Variants in SORCS1 observed in about 807,000 individuals in gnomAD.
SORCS1 encodes VPS10 domain-containing receptor SorCS1.
A neutral mutation model predicts 146.1 loss-of-function variants in SORCS1; 60 were observed. The observed-to-expected ratio is 0.41, with a 90% CI of 0.33 to 0.51. The LOEUF is 0.51. Ranked by LOEUF, SORCS1 falls within the 20% of genes least tolerant of loss-of-function variation. The pLI is 0.21. For missense variants in SORCS1, 1,352 were observed against 1,487.6 expected, an observed-to-expected ratio of 0.91 and a Z score of 1.50; for synonymous variants, 637 against 584.0, an observed-to-expected ratio of 1.09 and a Z score of -1.31.
At chr10:106,633,033 G>A (rs1259786818) in intron 18 of SORCS1, among the ~76,000 whole-genome samples, 1 of 152,110 alleles carries the variant, frequency 6.6e-6, no homozygotes, top group African/African-American at 2.4e-5. Flanking sequence ...GGAGGAAAAA[G>A]AGAGAGAGAA....
At chr10:107,032,705 T>C (rs553365122) in intron 1 of SORCS1, among the ~76,000 whole-genome samples, 2 of 152,308 alleles carry the variant, frequency 1.3e-5, no homozygotes, top group Admixed American at 6.5e-5. Context: ...CAGCATCTAA[T>C]GCCGCAGGGA....
At chr10:107,136,096 G>A (rs1967273873) in intron 1 of SORCS1, among the ~76,000 whole-genome samples, 1 of 151,750 alleles carries the variant, frequency 6.6e-6, no homozygotes, top group African/African-American at 2.4e-5. Flanking sequence ...CCCTTGTTTA[G>A]TAGTAAAGAG....
At chr10:106,804,756 T>C (rs1350400143) in intron 3 of SORCS1, among the ~76,000 whole-genome samples, 2 of 152,312 alleles carry the variant, frequency 1.3e-5, no homozygotes, top group South Asian at 2.1e-4. Context: ...TATATGGACC[T>C]CTTCATGAAC....
At chr10:107,076,528 TTTAA>T (rs1446650126) in intron 1 of SORCS1, among the ~76,000 whole-genome samples, 2 of 152,150 alleles carry the variant, frequency 1.3e-5, no homozygotes, top group Non-Finnish European at 2.9e-5. Context: ...TTAAACAAAT[TTTAA>T]TTAATTCATC....
chr10:106,600,795 C>T, intron 23 of SORCS1: 1 of 780,108 alleles, frequency 1.3e-6, no homozygotes. Context: ...TGTTTGACTC[C>T]TAATCCTAGG....
rs1287144041 is a variant in SORCS1 at position 106,886,889 on chromosome 10, T to G, written c.627-57216A>C. Among the ~76,000 whole-genome samples the G allele has an allele frequency of 5.9e-5, 9 of 152,350 alleles. No individual in the cohort carries two copies. In the East Asian group the frequency reaches 1.7e-3, roughly 29 times the overall value. ...AGTTGTCTTCAGCAACCAGCAGTTA[T>G]TTATTAAGCTATCATGTGCCCAGGA... is the stretch of plus-strand genomic sequence containing the variant. On this transcript the variant is annotated intron_variant, in intron 2 of 25. Transcript: ENST00000263054.
chr10:106,783,477 T>C (rs913366405), intron 3 of SORCS1, among the ~76,000 whole-genome samples: 1 of 152,186 alleles, frequency 6.6e-6, no homozygotes, highest in African/African-American at 2.4e-5. Flanking sequence ...CTTTATGTTC[T>C]GCTAAAATAT....
At chr10:107,053,632 T>A (rs1960338436) in intron 1 of SORCS1, among the ~76,000 whole-genome samples, 1 of 152,168 alleles carries the variant, frequency 6.6e-6, no homozygotes, top group Admixed American at 6.6e-5. Context: ...TACAAATTTT[T>A]CCCACTGAGT....
intron 3 of SORCS1, among the ~76,000 whole-genome samples, chr10:106,801,017 T>C (rs1042106825): frequency 6.6e-6 from 1 of 152,220 alleles, no homozygotes; most frequent in Non-Finnish European, 1.5e-5. Context: ...GGAATATCAA[T>C]ACCACACACT....
chr10:106,843,400 A>T, intron 2 of SORCS1, among the ~76,000 whole-genome samples: 1 of 142,420 alleles, frequency 7.0e-6, no homozygotes. Context: ...TTCCAAGTTA[A>T]TTCATGTTGC....
intron 19 of SORCS1, among the ~76,000 whole-genome samples, chr10:106,626,068 T>A (rs1325268384): frequency 6.6e-6 from 1 of 152,162 alleles, no homozygotes; most frequent in Non-Finnish European, 1.5e-5. Flanking sequence ...TCCATTTGTT[T>A]CAGATGACCT....
intron 1 of SORCS1, among the ~76,000 whole-genome samples, chr10:107,021,397 C>T (rs1425594198): frequency 9.9e-5 from 15 of 151,076 alleles, no homozygotes; most frequent in Non-Finnish European, 1.5e-5. Flanking sequence ...GCCTGTAGTC[C>T]CAGCTACTCG....
At chr10:106,711,053 C>T (rs821954) in intron 6 of SORCS1, among the ~76,000 whole-genome samples, 121,983 of 152,128 alleles carry the variant, frequency 0.8, 51,393 homozygotes, top group Non-Finnish European at 0.94. Context: ...TCTTACTGAG[C>T]CGTGCTCCCA....
intron 1 of SORCS1, among the ~76,000 whole-genome samples, chr10:106,992,046 C>CA (rs138620686): frequency 1.3e-5 from 2 of 151,962 alleles, no homozygotes; most frequent in African/African-American, 4.8e-5. Context: ...AATATTGCCT[C>CA]AAAAACTTAA....
At chr10:107,173,072 G>A in the SORCS1 span, among the ~76,000 whole-genome samples, 44 of 152,144 alleles carry the variant, frequency 2.9e-4, no homozygotes, top group African/African-American at 9.4e-4. Flanking sequence ...CTCAGCATCC[G>A]AGCAGGATCC....
At chr10:106,655,585 G>T (rs1850223096) in intron 17 of SORCS1, among the ~76,000 whole-genome samples, 1 of 152,084 alleles carries the variant, frequency 6.6e-6, no homozygotes, top group African/African-American at 2.4e-5. Flanking sequence ...CCTGAATCCT[G>T]CAATAACAGG....
intron 1 of SORCS1, among the ~76,000 whole-genome samples, chr10:107,121,609 T>G (rs1049161247): frequency 2.0e-5 from 3 of 151,982 alleles, no homozygotes; most frequent in Non-Finnish European, 4.4e-5. Flanking sequence ...TCAAACATGA[T>G]TCTACAGTAA....
At position 106,576,757 on chromosome 10, in the gene SORCS1, G is replaced by C. The variant is rs1844598222; in HGVS notation, c.*663C>G. ...AACTTAGAAGGGAAATGACAGTATGGAAAGTGGAACAGAGAAACAGCTCAG... is the reference window on the plus strand; with the variant it reads ...AACTTAGAAGGGAAATGACAGTATGCAAAGTGGAACAGAGAAACAGCTCAG... On this transcript the variant is annotated 3_prime_UTR_variant, in exon 26 of 26. Coordinates refer to ENST00000263054, the MANE Select transcript of SORCS1 (RefSeq NM_052918.5). 6.4e-6 allele frequency: 1 copy of C among 155,500 alleles called. No homozygotes were observed. The highest frequency in any genetic ancestry group is 1.4e-5 in the Non-Finnish European group (1 of 70,300). The allele number at this position is 155,500 out of a possible 1,614,324, so 9.6% of individuals were successfully genotyped here.
intron 2 of SORCS1, among the ~76,000 whole-genome samples, chr10:106,909,133 C>G (rs1952033586): frequency 6.6e-6 from 1 of 152,152 alleles, no homozygotes; most frequent in South Asian, 2.1e-4. Flanking sequence ...GTATCCTAGG[C>G]TCCTTGATGT....
Sources: gnomAD v4.1 joint callset for allele counts (sites outside exome capture counted in the v4.1 genomes callset) on GRCh38, gnomAD v4.1.1 for gene constraint, MANE v1.5 for transcripts, NCBI Gene and HGNC (gene_info 2026-07-23, HGNC 2026-07-21) for gene names.